Variants in UNC13B observed in about 807,000 individuals in gnomAD.
The protein encoded by UNC13B is unc-13 homolog B, also known as protein unc-13 homolog B.
UNC13B carries 144 observed loss-of-function variants against 211.0 expected under a neutral mutation model. The observed-to-expected ratio is 0.68, with a 90% CI of 0.60 to 0.78. The LOEUF (loss-of-function observed/expected upper bound fraction) is 0.78, where lower values mean the gene tolerates loss of function less well. Ranked by LOEUF, UNC13B falls within the 30% of genes least tolerant of loss-of-function variation. UNC13B has a pLI of 0.00. For synonymous variants in UNC13B, 709 were observed against 725.8 expected, an observed-to-expected ratio of 0.98 and a Z score of 0.37; for missense variants, 1,777 against 2,002.0, an observed-to-expected ratio of 0.89 and a Z score of 2.14.
chr9:35,381,181 C>G lies in UNC13B; in HGVS notation c.10457C>G (p.Ala3486Gly), dbSNP rs773913568. 6.2e-7 allele frequency: 1 copy of G among 1,613,854 alleles called. No homozygotes were observed. The highest frequency in any genetic ancestry group is 8.5e-7 in the Non-Finnish European group (1 of 1,179,908). The part of the protein sequence containing the change: ...SVEIKGEEKV[A>G]PYHVQYTCLH... ...GAGATCAAGGGGGAGGAGAAAGTAG[C>G]CCCATACCACGTGCAGTATACATGT... The change falls in exon 19 of 40, where the codon GCC (alanine) becomes GGC (glycine). Residue 3486 changes from alanine (A) to glycine (G), a missense_variant. Coordinates refer to ENST00000635942, the MANE Select transcript of UNC13B (RefSeq NM_001371189.2).
In UNC13B at chr9:35,404,011, G is replaced by A. The variant is rs148652179; in HGVS notation, c.13001G>A (p.Arg4334His). The A allele has an allele frequency of 1.9e-4, 311 of 1,613,532 alleles. No homozygotes were observed. Among genetic ancestry groups the A allele is most frequent in the Non-Finnish European group, 2.4e-4 (281 of 1,179,920 alleles). ...TTTGTGAAACTCAAATCAGAGTCTCGTTCCACGGAGGAGGGGAGCTGAACA... is the reference window on the plus strand; with the variant it reads ...TTTGTGAAACTCAAATCAGAGTCTCATTCCACGGAGGAGGGGAGCTGAACA... ...REFVKLKSES[R>H]STEEGS Residue 4334 changes from arginine (R) to histidine (H), a missense_variant, in exon 40 of 40, where the codon CGT becomes CAT. Coordinates refer to ENST00000635942, the MANE Select transcript of UNC13B (RefSeq NM_001371189.2).
At chr9:35,277,844 G>A (rs1216310435) in intron 7 of UNC13B, among the ~76,000 whole-genome samples, 1 of 151,626 alleles carries the variant, frequency 6.6e-6, no homozygotes, top group Non-Finnish European at 1.5e-5. Context: ...CCCTCAATGG[G>A]TACACAGTAA....
chr9:35,297,561 T>TTTTTTTTTTTTTGTTTTTTTG, intron 8 of UNC13B, among the ~76,000 whole-genome samples: 8,678 of 125,828 alleles, frequency 0.069, 297 homozygotes, highest in Non-Finnish European at 0.091. Context: ...TTTTTTTTTT[T>TTTTTTTTTTTTTGTTTTTTTG]TTTTTTGAGA....
chr9:35,174,610 C>T (rs987479118), intron 1 of UNC13B, among the ~76,000 whole-genome samples: 158 of 151,510 alleles, frequency 1.0e-3, no homozygotes, highest in African/African-American at 3.5e-3. Flanking sequence ...TGCAGTGGCA[C>T]GATCTTGGCT....
intron 10 of UNC13B, among the ~76,000 whole-genome samples, chr9:35,312,445 T>G (rs1035223498): frequency 6.6e-6 from 1 of 152,230 alleles, no homozygotes; most frequent in African/African-American, 2.4e-5. Context: ...ACTGAAAAAC[T>G]GACTCTGGCT....
chr9:35,168,508 CAGTT>C (rs1821164104), intron 1 of UNC13B, among the ~76,000 whole-genome samples: 1 of 152,124 alleles, frequency 6.6e-6, no homozygotes, highest in African/African-American at 2.4e-5. Context: ...TAATTATACT[CAGTT>C]GGACCAAATG....
intron 6 of UNC13B, among the ~76,000 whole-genome samples, chr9:35,255,053 AAT>A (rs1432394373): frequency 8.4e-6 from 1 of 118,906 alleles, no homozygotes; most frequent in Non-Finnish European, 1.6e-5. Context: ...TATATAATAT[AAT>A]ATATATTATG....
chr9:35,311,700 A>G (rs1179772071), intron 10 of UNC13B, among the ~76,000 whole-genome samples: 1 of 152,162 alleles, frequency 6.6e-6, no homozygotes, highest in Non-Finnish European at 1.5e-5. Flanking sequence ...TTTTTGGTGA[A>G]CATTTTGTTT....
chr9:35,385,536 G>A (rs1314694171), intron 22 of UNC13B, 188 bp from the exon 23 acceptor site: 8 of 985,242 alleles, frequency 8.1e-6, no homozygotes, highest in Non-Finnish European at 9.6e-6. Context: ...CCCTGCTTTT[G>A]GCAAGAGCCT....
In UNC13B at chr9:35,295,819, C is replaced by T. The variant is rs1829326689; in HGVS notation, c.650C>T (p.Pro217Leu). 1.2e-6 allele frequency: 2 copies of T among 1,614,090 alleles called. No homozygotes were observed. Among genetic ancestry groups the T allele is most frequent in the Non-Finnish European group, 1.7e-6 (2 of 1,180,052 alleles). Residue 217 changes from proline (P) to leucine (L), a missense_variant, in exon 8 of 40, where the codon CCT becomes CTT. By Grantham distance (98) the Pro-to-Leu change is moderately conservative (BLOSUM62 -3). Coordinates refer to ENST00000635942, the MANE Select transcript of UNC13B (RefSeq NM_001371189.2). Reference protein sequence around the residue: ...SQPNASVHQFPVPVRSPQQLL... With the variant: ...SQPNASVHQFLVPVRSPQQLL... ...CCCAACGCTTCTGTGCACCAGTTCC[C>T]TGTGCCGGTGCGATCGCCACAGCAG...
intron 9 of UNC13B, among the ~76,000 whole-genome samples, chr9:35,309,704 C>T (rs369628385): frequency 2.0e-5 from 3 of 152,176 alleles, no homozygotes; most frequent in African/African-American, 2.4e-5. Flanking sequence ...TGCATGAATA[C>T]GGCTCTGACC....
intron 1 of UNC13B, among the ~76,000 whole-genome samples, chr9:35,205,417 A>T (rs1344488362): frequency 2.0e-5 from 3 of 152,240 alleles, no homozygotes. Flanking sequence ...ATCCCTTTAA[A>T]GTATAAATCC....
At chr9:35,228,993 G>T (rs972178127) in intron 2 of UNC13B, among the ~76,000 whole-genome samples, 7 of 151,810 alleles carry the variant, frequency 4.6e-5, no homozygotes, top group Non-Finnish European at 8.8e-5. Flanking sequence ...TAAAAATTTG[G>T]TAACTCCTGC....
In UNC13B at chr9:35,381,108, A is replaced by G. The variant is rs746224059; in HGVS notation, c.10384A>G (p.Thr3462Ala). 1.2e-5 allele frequency: 19 copies of G among 1,613,978 alleles called. No individual in the cohort carries two copies. The highest frequency in any genetic ancestry group is 1.5e-5 in the Non-Finnish European group (18 of 1,179,922). ...TCTTCTTTCCTTCCTAGAGAAGAGGACAGACAAATCAGCCGTCTCAGGGGC... is the reference window on the plus strand; with the variant it reads ...TCTTCTTTCCTTCCTAGAGAAGAGGGCAGACAAATCAGCCGTCTCAGGGGC... ...MDVWYNLEKR[T>A]DKSAVSGAIR... is the part of the protein sequence containing the mutation. Residue 3462 changes from threonine to alanine, a missense_variant, in exon 19 of 40, where the codon ACA (threonine) becomes GCA (alanine). By Grantham distance (58) the Thr-to-Ala change is moderately conservative (BLOSUM62 0). Transcript: ENST00000635942.
intron 1 of UNC13B, among the ~76,000 whole-genome samples, chr9:35,201,978 T>G (rs113767129): frequency 3.9e-5 from 6 of 152,302 alleles, no homozygotes; most frequent in African/African-American, 1.4e-4. Context: ...GGGCATTTAG[T>G]GCTATAAATT....
chr9:35,364,664 T>TGC, intron 11 of UNC13B: 1 of 1,208,460 alleles, frequency 8.3e-7, no homozygotes, highest in African/African-American at 1.5e-5. Context: ...TGTGTGTGTG[T>TGC]ACATGCACAT....
At chr9:35,248,895 A>G (rs1370016086) in intron 6 of UNC13B, among the ~76,000 whole-genome samples, 1 of 152,124 alleles carries the variant, frequency 6.6e-6, no homozygotes, top group Non-Finnish European at 1.5e-5. Flanking sequence ...AGCTGAGTTC[A>G]ATTCCTGGAT....
intron 7 of UNC13B, among the ~76,000 whole-genome samples, chr9:35,281,077 G>C (rs1361858209): frequency 6.6e-6 from 1 of 151,996 alleles, no homozygotes; most frequent in Non-Finnish European, 1.5e-5. Context: ...GTGAAACCCT[G>C]TCTCTACTAA....
At chr9:35,291,723 A>G (rs539435944) in intron 7 of UNC13B, among the ~76,000 whole-genome samples, 1 of 152,308 alleles carries the variant, frequency 6.6e-6, no homozygotes, top group African/African-American at 2.4e-5. Context: ...GTGGCAAAAC[A>G]TGTAGCCCTA....
Sources: allele counts gnomAD v4.1 joint callset (sites outside exome capture counted in the v4.1 genomes callset), GRCh38; gene constraint gnomAD v4.1.1; transcripts MANE v1.5; gene names NCBI Gene and HGNC (gene_info 2026-07-23, HGNC 2026-07-21).